The following GBGT1 variants were observed in gnomAD, a reference collection of about 807,000 sequenced individuals.
The protein encoded by GBGT1 is globoside alpha-1,3-N-acetylgalactosaminyltransferase 1 (FORS blood group).
In GBGT1, 18 loss-of-function variants were observed where a neutral mutation model predicts 20.9. The ratio of observed to expected loss-of-function variants is 0.86; its 90% CI spans 0.60 to 1.28. The LOEUF (loss-of-function observed/expected upper bound fraction) is 1.28, where lower values mean the gene tolerates loss of function less well. Among genes scored for constraint, GBGT1 ranks in the 50% most tolerant of loss-of-function variants. The pLI is 0.00. For missense variants in GBGT1, 432 were observed against 455.7 expected, an observed-to-expected ratio of 0.95 and a Z score of 0.47; for synonymous variants, 168 against 180.8, an observed-to-expected ratio of 0.93 and a Z score of 0.57.
intron 3 of GBGT1, chr9:133,159,884 C>T (rs185528602): frequency 2.0e-5 from 3 of 152,468 alleles, no homozygotes; most frequent in African/African-American, 7.4e-5. Flanking sequence ...TGATAGAGAA[C>T]CCACAAACGG....
intron 3 of GBGT1, chr9:133,161,037 T>A: frequency 2.6e-6 from 1 of 388,440 alleles, no homozygotes; most frequent in Non-Finnish European, 4.5e-6. Context: ...GACTCCTTAG[T>A]TGAGGAGGAC....
Position 133,162,354 on chromosome 9 carries a change from AGGC to A in GBGT1, c.56_58del (p.Ser19_Leu20delinsIle), listed in dbSNP as rs1833080080. 6.2e-7 allele frequency: 1 copy of A among 1,610,866 alleles called. No individual in the cohort carries two copies. The highest frequency in any genetic ancestry group is 8.5e-7 in the Non-Finnish European group (1 of 1,179,328). ...GGGGCAGACTCACCACAGGACACTG[AGGC>A]TTGTGCCCGCCAACAGGCAGAACCC... On this transcript the variant is annotated inframe_deletion, in exon 2 of 7. Coordinates refer to ENST00000372040, the MANE Select transcript of GBGT1 (RefSeq NM_021996.6).
intron 3 of GBGT1, 164 bp downstream of exon 3, chr9:133,161,303 C>T (rs758345683): frequency 3.1e-5 from 17 of 547,330 alleles, no homozygotes; most frequent in Non-Finnish European, 5.5e-5. Flanking sequence ...TTTCACTTCA[C>T]GCTTGTCACA....
chr9:133,153,801 C>G lies in GBGT1; in HGVS notation c.820G>C (p.Glu274Gln). The change falls in exon 7 of 7, where the codon GAG (glutamate) becomes CAG (glutamine). Residue 274 changes from glutamate (E) to glutamine (Q), a missense_variant. By Grantham distance (29) the Glu-to-Gln change is conservative. Coordinates refer to ENST00000372040, the MANE Select transcript of GBGT1 (RefSeq NM_021996.6). ...GCCATGTGGCAGCCCCTAGTAAACT[C>G]ATATACCCTGGCCACCTGCCCCCCG... ...VFGGQVARVY[E>Q]FTRGCHMAIL... 6.3e-7 allele frequency: 1 copy of G among 1,596,480 alleles called. No individual in the cohort carries two copies.
chr9:133,163,208 G>A (rs932678339), intron 1 of GBGT1: 3 of 152,328 alleles, frequency 2.0e-5, no homozygotes, highest in East Asian at 3.9e-4. Context: ...CAGGATGCGC[G>A]GGAAGGGGCG....
rs1832755547 is a variant in GBGT1 at position 133,153,242 on chromosome 9, G to GT, written c.*334_*335insA. On this transcript the variant is annotated 3_prime_UTR_variant, in exon 7 of 7. Coordinates refer to ENST00000372040, the MANE Select transcript of GBGT1 (RefSeq NM_021996.6). ...GCAATATGCAATAAACGGGGGACTG[G>GT]CGCGGCAGGGTTCAGGCACTCTGAG... is the stretch of plus-strand genomic sequence containing the variant. The GT allele has an allele frequency of 1.6e-5, 4 of 244,026 alleles. No homozygotes were observed. The highest frequency in any genetic ancestry group is 3.1e-5 in the Non-Finnish European group (4 of 127,542). The allele number at this position is 244,026 out of a possible 1,614,324, so 15.1% of individuals were successfully genotyped here.
rs891391640 is a variant in GBGT1 at position 133,155,098 on chromosome 9, C to T, written c.359+80G>A. 106 of 1,342,916 alleles carry T rather than the reference C, an allele frequency of 7.9e-5. No individual in the cohort carries two copies. The South Asian group carries it at 8.6e-4, about 11-fold the overall frequency. 83.2% of individuals were successfully genotyped at this position (1,342,916 alleles called of 1,614,324 possible). On this transcript the variant is annotated intron_variant, in intron 6 of 6. Coordinates refer to ENST00000372040, the MANE Select transcript of GBGT1 (RefSeq NM_021996.6). The stretch of plus-strand genomic sequence containing the variant: ...GGTGCCCAGCAGGGTCCTGTGTGCA[C>T]GTCTGGTCTGGTCTCTTCCCAACTA...
At position 133,156,493 on chromosome 9, in the gene GBGT1, C is replaced by T. The variant is rs187782686; in HGVS notation, c.138-428G>A. 2.1e-3 allele frequency among the ~76,000 whole-genome samples: 312 copies of T among 152,182 alleles called. 3 individuals are homozygous for T. In the East Asian group the frequency reaches 0.05, roughly 24 times the overall value. On this transcript the variant is annotated intron_variant, in intron 3 of 6. Coordinates refer to ENST00000372040, the MANE Select transcript of GBGT1 (RefSeq NM_021996.6). ...TGGCCAAGATGGTGAAACCTCGTCT[C>T]TACTAAAAATACAAAAATTAGCTGG...
chr9:133,162,643 C>T (rs2073921), intron 1 of GBGT1, 111 bp from the exon 2 acceptor site: 57,856 of 550,136 alleles, frequency 0.11, 6,922 homozygotes, highest in East Asian at 0.51. Context: ...TGGGTTCAAG[C>T]GATTCTCTTG....
In GBGT1 at chr9:133,153,936, G is replaced by A; in HGVS notation, c.685C>T (p.Pro229Ser). The A allele has an allele frequency of 6.2e-7, 1 of 1,610,422 alleles. No individual in the cohort carries two copies. Among genetic ancestry groups the A allele is most frequent in the African/African-American group, 1.3e-5 (1 of 74,974 alleles). Reference sequence around the variant, plus strand: ...TGGCGGGGAACGGCGTAGTAGCTTGGGTGAATGGCAGCCACCAGGTCTCCC... The same window carrying A: ...TGGCGGGGAACGGCGTAGTAGCTTGAGTGAATGGCAGCCACCAGGTCTCCC... The part of the protein sequence containing the change: ...TLGDLVAAIH[P>S]SYYAVPRQQF... The change falls in exon 7 of 7, where the codon CCA becomes TCA. Residue 229 changes from proline (P) to serine (S), a missense_variant. Coordinates refer to ENST00000372040, the MANE Select transcript of GBGT1 (RefSeq NM_021996.6).
chr9:133,162,604 C>T lies in GBGT1; in HGVS notation c.-120-72G>A, dbSNP rs1833089528. On this transcript the variant is annotated intron_variant, in intron 1 of 6. Coordinates refer to ENST00000372040, the MANE Select transcript of GBGT1 (RefSeq NM_021996.6). ...TCAACTGGGCTGGAGTGCAGTGGCG[C>T]AATCTCCATTCACTGCAACCTCTTC... is the stretch of plus-strand genomic sequence containing the variant. 6.7e-6 allele frequency: 4 copies of T among 600,430 alleles called. No individual in the cohort carries two copies. In the South Asian group the frequency reaches 7.8e-5, roughly 12 times the overall value. 37.2% of individuals were successfully genotyped at this position (600,430 alleles called of 1,614,324 possible).
At chr9:133,158,577 C>T (rs1282325478) in intron 3 of GBGT1, among the ~76,000 whole-genome samples, 1 of 152,188 alleles carries the variant, frequency 6.6e-6, no homozygotes, top group Non-Finnish European at 1.5e-5. Context: ...AGCTGCCTTG[C>T]CTGGTCCCCT....
At chr9:133,155,109 G>T in intron 6 of GBGT1, 69 bp downstream of exon 6, 1 of 1,450,774 alleles carries the variant, frequency 6.9e-7, no homozygotes, top group Non-Finnish European at 9.6e-7. Flanking sequence ...GTCTGGTCTG[G>T]TCTCTTCCCA....
At position 133,153,800 on chromosome 9, in the gene GBGT1, T is replaced by C. The variant is rs141818117; in HGVS notation, c.821A>G (p.Glu274Gly). The C allele has an allele frequency of 2.4e-5, 39 of 1,594,488 alleles. No individual in the cohort carries two copies. Among genetic ancestry groups the C allele is most frequent in the African/African-American group, 5.4e-5 (4 of 74,532 alleles). Reference protein sequence around the residue: ...VFGGQVARVYEFTRGCHMAIL... With the variant: ...VFGGQVARVYGFTRGCHMAIL... The stretch of plus-strand genomic sequence containing the variant: ...GGCCATGTGGCAGCCCCTAGTAAAC[T>C]CATATACCCTGGCCACCTGCCCCCC... The change falls in exon 7 of 7, where the codon GAG becomes GGG. Residue 274 changes from glutamate to glycine, a missense_variant. By Grantham distance (98) the Glu-to-Gly change is moderately conservative. Transcript: ENST00000372040.
rs200022661 is a variant in GBGT1, at chr9:133,155,195, C to T, written c.342G>A (p.Thr114=). The stretch of plus-strand genomic sequence containing the variant: ...CTACTCACTTCCCCACGGCAAACAC[C>T]GTGACCCCAATGGTCAGGTTCAGTG... ...YQPLNLTIGV[T]VFAVGKYTHF... is the part of the protein sequence containing the mutation. Residue 114 remains threonine (T), a synonymous_variant, in exon 6 of 7, where the codon ACG becomes ACA. Transcript: ENST00000372040. 6.8e-5 allele frequency: 109 copies of T among 1,614,088 alleles called. No individual in the cohort carries two copies. The Admixed American group carries it at 1.3e-3, about 19-fold the overall frequency.
chr9:133,158,113 C>G (rs1267397911), intron 3 of GBGT1, among the ~76,000 whole-genome samples: 1 of 152,036 alleles, frequency 6.6e-6, no homozygotes, highest in Admixed American at 6.6e-5. Flanking sequence ...CCACTGCACT[C>G]CAGCCTGGCG....
At position 133,154,546 on chromosome 9, in the gene GBGT1, G is replaced by A. The variant is rs1038521722; in HGVS notation, c.360-285C>T. ...CCAGCGACGTTCTAAGAATTCTTAT[G>A]ATCTTTGATCTGCATAAGCATGCCC... is the stretch of plus-strand genomic sequence containing the variant. On this transcript the variant is annotated intron_variant, in intron 6 of 6. Coordinates refer to ENST00000372040, the MANE Select transcript of GBGT1 (RefSeq NM_021996.6). This position sits in a 1 kb window ranked among gnomAD's most constrained non-coding sequence, Gnocchi z 4.2. The A allele has an allele frequency of 1.9e-5, 6 of 318,260 alleles. No individual in the cohort carries two copies. The highest frequency in any genetic ancestry group is 3.5e-5 in the Non-Finnish European group (6 of 173,638). 19.7% of individuals were successfully genotyped at this position (318,260 alleles called of 1,614,324 possible).
chr9:133,154,041 T>A lies in GBGT1; in HGVS notation c.580A>T (p.Arg194Trp). 6.2e-7 allele frequency: 1 copy of A among 1,613,728 alleles called. No homozygotes were observed. The highest frequency in any genetic ancestry group is 1.3e-5 in the African/African-American group (1 of 75,032). ...AGGTAGTCCACCTCCCGGTGAGCCC[T>A]CTTAGCAATGTGCTGGCTGATGGTC... ...METISQHIAK[R>W]AHREVDYLFC... Residue 194 changes from arginine (R) to tryptophan (W), a missense_variant, in exon 7 of 7, where the codon AGG becomes TGG. Transcript: ENST00000372040. The surrounding 1 kb of genome is among the most constrained non-coding windows in gnomAD (Gnocchi z 4.2).
intron 3 of GBGT1, among the ~76,000 whole-genome samples, chr9:133,157,287 CAA>C (rs71503325): frequency 2.5e-3 from 196 of 77,888 alleles, no homozygotes; most frequent in Middle Eastern, 7.4e-3. Flanking sequence ...GACCCTGTCT[CAA>C]AAAAAAAAAA....
Sources: allele counts gnomAD v4.1 joint callset (sites outside exome capture counted in the v4.1 genomes callset), GRCh38; gene constraint gnomAD v4.1.1; non-coding constraint Gnocchi (gnomAD v3.1); transcripts MANE v1.5; gene names NCBI Gene and HGNC (gene_info 2026-07-23, HGNC 2026-07-21).